TET1: variants seen among roughly 807,000 people sequenced by gnomAD.
The protein encoded by TET1 is methylcytosine dioxygenase TET1.
In TET1, 13 loss-of-function variants were observed where a neutral mutation model predicts 148.7. The ratio of observed to expected loss-of-function variants is 0.09; its 90% CI spans 0.06 to 0.14. TET1 has a LOEUF of 0.14. Among genes scored for constraint, TET1 ranks in the 10% least tolerant of loss-of-function variants. The pLI is 1.00. For missense variants in TET1, 2,182 were observed against 2,553.8 expected, an observed-to-expected ratio of 0.85 and a Z score of 3.14; for synonymous variants, 907 against 937.2, an observed-to-expected ratio of 0.97 and a Z score of 0.59.
chr10:68,622,193 CCTTCCT>C (rs2054382644), intron 3 of TET1, among the ~76,000 whole-genome samples: 1 of 116,820 alleles, frequency 8.6e-6, no homozygotes, highest in Non-Finnish European at 1.8e-5. Flanking sequence ...TTCCTTCCTT[CCTTCCT>C]TCCTTCCTTC....
chr10:68,678,766 A>G (rs1260905596), intron 8 of TET1, among the ~76,000 whole-genome samples: 1 of 152,220 alleles, frequency 6.6e-6, no homozygotes, highest in Non-Finnish European at 1.5e-5. Flanking sequence ...CTTGACCACC[A>G]ATAGGTAAAG....
At chr10:68,601,154 A>C in intron 3 of TET1, 120 bp downstream of exon 3, 1 of 807,376 alleles carries the variant, frequency 1.2e-6, no homozygotes, top group South Asian at 1.8e-5. Flanking sequence ...CAGTAGATGG[A>C]TGAATTTCCA....
chr10:68,617,362 A>G (rs2054309177), intron 3 of TET1, among the ~76,000 whole-genome samples: 2 of 150,996 alleles, frequency 1.3e-5, no homozygotes, highest in African/African-American at 4.9e-5. Context: ...GTCTTGTTAC[A>G]TTGCCCTGGC....
chr10:68,642,442 A>G (rs1589105060), intron 3 of TET1, among the ~76,000 whole-genome samples: 2 of 152,098 alleles, frequency 1.3e-5, no homozygotes, highest in Middle Eastern at 3.2e-3. Flanking sequence ...TCAAAAAAAA[A>G]AGAAAATAAA....
chr10:68,642,306 C>T (rs1394559227), intron 3 of TET1, among the ~76,000 whole-genome samples: 1 of 151,958 alleles, frequency 6.6e-6, no homozygotes, highest in African/African-American at 2.4e-5. Flanking sequence ...TGGTTACAGG[C>T]GCCTGTAGAC....
chr10:68,593,419 A>C (rs1236068054), intron 2 of TET1, among the ~76,000 whole-genome samples: 1 of 144,472 alleles, frequency 6.9e-6, no homozygotes, highest in Non-Finnish European at 1.6e-5. Flanking sequence ...AAGGGAAAAA[A>C]ATAAAGTTTT....
In TET1 at chr10:68,691,659, C is replaced by G. The variant is rs1420903014; in HGVS notation, c.6256C>G (p.Gln2086Glu). 1.9e-6 allele frequency: 3 copies of G among 1,614,024 alleles called. No homozygotes were observed. In the South Asian group the frequency reaches 3.3e-5, roughly 18 times the overall value. Residue 2086 changes from glutamine (Q) to glutamate (E), a missense_variant, in exon 12 of 12, where the codon CAG becomes GAG. By Grantham distance (29) the Gln-to-Glu change is conservative (BLOSUM62 2). Around this residue, in one of 11 missense-constraint regions of TET1, gnomAD observed 54 missense variants for 44.4 expected, o/e 1.22. Transcript: ENST00000373644. This position sits in a 1 kb window ranked among gnomAD's most constrained non-coding sequence, Gnocchi z 4.4. Reference sequence around the variant, plus strand: ...AATGAAGGCCTCAGAGCAAAAAGACCAGGCAGCTAATGAAGGTCCAGAACA... The same window carrying G: ...AATGAAGGCCTCAGAGCAAAAAGACGAGGCAGCTAATGAAGGTCCAGAACA... ...KKMKASEQKD[Q>E]AANEGPEQSS...
Position 68,661,787 on chromosome 10 carries a change from A to C in TET1, c.4462-5258A>C, listed in dbSNP as rs2055119336. Among the ~76,000 whole-genome samples the C allele has an allele frequency of 2.0e-5, 3 of 150,988 alleles. No individual in the cohort carries two copies. The South Asian group carries it at 6.3e-4, about 32-fold the overall frequency. On this transcript the variant is annotated intron_variant, in intron 6 of 11. Transcript: ENST00000373644. ...GGCATGAGCCACCATGCCCAGCCAG[A>C]ACTTTTTTCTTTTCTTTTCTTTGTT... is the stretch of plus-strand genomic sequence containing the variant.
At chr10:68,583,635 G>A (rs1055229806) in intron 2 of TET1, among the ~76,000 whole-genome samples, 7 of 152,148 alleles carry the variant, frequency 4.6e-5, no homozygotes, top group Admixed American at 2.0e-4. Context: ...ATGCTTGACC[G>A]GACACGGTGG....
At chr10:68,628,611 A>C (rs1325490058) in intron 3 of TET1, among the ~76,000 whole-genome samples, 1 of 152,198 alleles carries the variant, frequency 6.6e-6, no homozygotes, top group Non-Finnish European at 1.5e-5. Context: ...AGGGGTGCTT[A>C]GTTTTATCTA....
At chr10:68,635,874 G>A (rs1384605669) in intron 3 of TET1, among the ~76,000 whole-genome samples, 1 of 152,150 alleles carries the variant, frequency 6.6e-6, no homozygotes, top group Non-Finnish European at 1.5e-5. Context: ...TCCTCTAGGA[G>A]TAGGCTCATC....
chr10:68,659,585 C>A (rs1464187374), intron 6 of TET1, among the ~76,000 whole-genome samples: 2 of 152,156 alleles, frequency 1.3e-5, no homozygotes, highest in Non-Finnish European at 1.5e-5. Context: ...TCCCAAAGTG[C>A]TGTGATTACA....
At chr10:68,596,033 T>C (rs2053985229) in intron 2 of TET1, among the ~76,000 whole-genome samples, 2 of 130,730 alleles carry the variant, frequency 1.5e-5, no homozygotes, top group African/African-American at 2.9e-5. Flanking sequence ...CACACATATA[T>C]ATATATATAT....
chr10:68,671,712 T>A (rs1408835230), intron 7 of TET1, among the ~76,000 whole-genome samples: 1 of 152,258 alleles, frequency 6.6e-6, no homozygotes, highest in Non-Finnish European at 1.5e-5. Flanking sequence ...TGTAACCGGT[T>A]TTCTGCTCCA....
In TET1 at chr10:68,624,762, T is replaced by C. The variant is rs562170966; in HGVS notation, c.1969-19936T>C. On this transcript the variant is annotated intron_variant, in intron 3 of 11. Transcript: ENST00000373644. Reference sequence around the variant, plus strand: ...CTTTCTTTTTTTTGAGACGGAGTCTTGCTCTGTCGCCCAGGCTGGAGTGCA... The same window carrying C: ...CTTTCTTTTTTTTGAGACGGAGTCTCGCTCTGTCGCCCAGGCTGGAGTGCA... 1.0e-3 allele frequency among the ~76,000 whole-genome samples: 149 copies of C among 147,716 alleles called. 1 individual carries two copies. The highest frequency in any genetic ancestry group is 3.6e-3 in the African/African-American group (142 of 39,768).
intron 8 of TET1, among the ~76,000 whole-genome samples, chr10:68,679,768 G>A (rs746231128): frequency 6.6e-6 from 1 of 152,096 alleles, no homozygotes; most frequent in Non-Finnish European, 1.5e-5. Context: ...TCACCTCCCA[G>A]ATTCAATAGA....
chr10:68,627,179 G>A (rs928139644), intron 3 of TET1, among the ~76,000 whole-genome samples: 8 of 151,758 alleles, frequency 5.3e-5, no homozygotes, highest in African/African-American at 1.5e-4. Flanking sequence ...AGGCCAAGGC[G>A]GGCGGATCAC....
At chr10:68,663,344 T>C (rs753480347) in intron 6 of TET1, among the ~76,000 whole-genome samples, 1 of 152,224 alleles carries the variant, frequency 6.6e-6, no homozygotes, top group African/African-American at 2.4e-5. Context: ...AGTTTTATTC[T>C]TAGGTTTTTT....
At chr10:68,593,926 T>TTTA (rs1554932458) in intron 2 of TET1, among the ~76,000 whole-genome samples, 1 of 126,722 alleles carries the variant, frequency 7.9e-6, no homozygotes, top group African/African-American at 2.9e-5. Flanking sequence ...TTTTTTTTTT[T>TTTA]TTTTTTTTTT....
Sources: allele counts gnomAD v4.1 joint callset (sites outside exome capture counted in the v4.1 genomes callset), GRCh38; gene constraint gnomAD v4.1.1; regional missense constraint gnomAD v4.1.1; non-coding constraint Gnocchi (gnomAD v3.1); transcripts MANE v1.5; gene names NCBI Gene and HGNC (gene_info 2026-07-23, HGNC 2026-07-21).